Variants in PTPRN2 observed in about 807,000 individuals in gnomAD.
PTPRN2 encodes protein tyrosine phosphatase receptor type N2.
PTPRN2 carries 74 observed loss-of-function variants against 118.8 expected under a neutral mutation model. The observed-to-expected ratio is 0.62, with a 90% CI of 0.52 to 0.76. PTPRN2 has a LOEUF of 0.76. PTPRN2 is among the 30% of genes least tolerant of loss of function. The pLI is 0.00. For missense variants in PTPRN2, 1,481 were observed against 1,394.4 expected (o/e 1.06, Z -0.99); for synonymous variants, 641 against 608.0 (o/e 1.05, Z -0.80).
intron 11 of PTPRN2, among the ~76,000 whole-genome samples, chr7:157,915,199 GACTCA>G (rs1798327940): frequency 6.6e-6 from 1 of 151,986 alleles, no homozygotes; most frequent in Admixed American, 6.6e-5. Flanking sequence ...TTTTATTGTG[GACTCA>G]AATTTCTTGG....
At chr7:158,058,253 ACACATCAC>A in intron 11 of PTPRN2, among the ~76,000 whole-genome samples, 2 of 147,510 alleles carry the variant, frequency 1.4e-5, no homozygotes, top group Non-Finnish European at 3.0e-5. Context: ...GCCCACGGTG[ACACATCAC>A]TGCAGCCACG....
intron 20 of PTPRN2, among the ~76,000 whole-genome samples, chr7:157,569,231 C>G (rs146088797): frequency 6.6e-6 from 1 of 152,352 alleles, no homozygotes; most frequent in African/African-American, 2.4e-5. Context: ...CTTGCTTGTT[C>G]CCCCCTCTTT....
At chr7:157,776,973 T>TCC (rs1803364795) in intron 12 of PTPRN2, among the ~76,000 whole-genome samples, 1 of 104,100 alleles carries the variant, frequency 9.6e-6, no homozygotes, top group Non-Finnish European at 2.0e-5. Context: ...CTCCTCCATC[T>TCC]TCTCCTTCTC....
At chr7:158,020,326 C>T (rs1806779864) in intron 11 of PTPRN2, among the ~76,000 whole-genome samples, 2 of 152,230 alleles carry the variant, frequency 1.3e-5, no homozygotes, top group South Asian at 4.1e-4. Flanking sequence ...CGCAGAAAGA[C>T]TTCTTACAGT....
In PTPRN2 at chr7:157,698,476, G is replaced by A. The variant is rs564341841; in HGVS notation, c.1789-15539C>T. On this transcript the variant is annotated intron_variant, in intron 12 of 22. Coordinates refer to ENST00000389418, the MANE Select transcript of PTPRN2 (RefSeq NM_002847.5). ...AACCACGTGCTTATAAACCAAGTATGTGTTTCAGCAAACATTTCTGCTTGA... is the reference window on the plus strand; with the variant it reads ...AACCACGTGCTTATAAACCAAGTATATGTTTCAGCAAACATTTCTGCTTGA... 1.4e-4 allele frequency among the ~76,000 whole-genome samples: 22 copies of A among 152,336 alleles called. No homozygotes were observed. In the Middle Eastern group the frequency reaches 0.01, roughly 71 times the overall value.
intron 13 of PTPRN2, among the ~76,000 whole-genome samples, chr7:157,679,304 C>A (rs911415874): frequency 6.6e-5 from 10 of 152,248 alleles, no homozygotes; most frequent in African/African-American, 2.2e-4. Flanking sequence ...AAACAAATGA[C>A]CTTTAAGAAT....
intron 3 of PTPRN2, among the ~76,000 whole-genome samples, chr7:158,273,749 AG>A (rs1287450506): frequency 1.6e-5 from 2 of 125,104 alleles, no homozygotes; most frequent in Non-Finnish European, 3.3e-5. Flanking sequence ...CCGCAGACAC[AG>A]GGGGAGCCAC....
chr7:157,885,664 AG>A (rs1796410775), intron 12 of PTPRN2, among the ~76,000 whole-genome samples: 1 of 152,244 alleles, frequency 6.6e-6, no homozygotes, highest in South Asian at 2.1e-4. Context: ...GCCAGGTAAA[AG>A]TTTCATATTC....
intron 2 of PTPRN2, among the ~76,000 whole-genome samples, chr7:158,371,681 CT>C (rs1278655458): frequency 6.6e-6 from 1 of 152,162 alleles, no homozygotes; most frequent in Non-Finnish European, 1.5e-5. Flanking sequence ...AATTTCACTT[CT>C]AGGGGAATGT....
intron 11 of PTPRN2, among the ~76,000 whole-genome samples, chr7:157,908,047 A>AATAAATTCTC (rs1484158527): frequency 6.6e-6 from 1 of 152,184 alleles, no homozygotes; most frequent in Non-Finnish European, 1.5e-5. Flanking sequence ...TTCTCCTCGG[A>AATAAATTCTC]CACAGCACAG....
chr7:157,576,728 A>T lies in PTPRN2; in HGVS notation c.2668T>A (p.Phe890Ile). The stretch of plus-strand genomic sequence containing the variant: ...TTGGTCTGCAGGTTCTTCAGATAGA[A>T]GCTCCTCACCAGGAAGTCCTCACAC... ...IWCEDFLVRS[F>I]YLKNLQTNET... is the part of the protein sequence containing the mutation. Residue 890 changes from phenylalanine (F) to isoleucine (I), a missense_variant, in exon 19 of 23, where the codon TTC (phenylalanine) becomes ATC (isoleucine). Physicochemically the swap from Phe to Ile is conservative, Grantham distance 21 (BLOSUM62 0). Transcript: ENST00000389418. The T allele has an allele frequency of 6.2e-7, 1 of 1,609,652 alleles. No individual in the cohort carries two copies. The highest frequency in any genetic ancestry group is 8.5e-7 in the Non-Finnish European group (1 of 1,177,750).
chr7:158,569,573 C>T (rs1339486726), intron 1 of PTPRN2, among the ~76,000 whole-genome samples: 1 of 152,228 alleles, frequency 6.6e-6, no homozygotes, highest in Non-Finnish European at 1.5e-5. Flanking sequence ...AGAGGGGACA[C>T]GGAGGCAGCA....
At chr7:158,573,066 G>A (rs947570830) in intron 1 of PTPRN2, among the ~76,000 whole-genome samples, 3 of 152,212 alleles carry the variant, frequency 2.0e-5, no homozygotes, top group African/African-American at 7.2e-5. Context: ...CATGATGCAT[G>A]ATGAATGGAC....
At chr7:158,259,308 C>T (rs543372859) in intron 3 of PTPRN2, among the ~76,000 whole-genome samples, 4 of 152,312 alleles carry the variant, frequency 2.6e-5, no homozygotes, top group African/African-American at 7.2e-5. Flanking sequence ...ACGCAGGACA[C>T]GGAGAAGAGC....
chr7:157,748,787 G>C (rs1323259448), intron 12 of PTPRN2, among the ~76,000 whole-genome samples: 8 of 44,724 alleles, frequency 1.8e-4, no homozygotes, highest in East Asian at 8.5e-4. Context: ...GTGGGCTGTT[G>C]AGGTGATTCT....
At position 158,417,021 on chromosome 7, in the gene PTPRN2, C is replaced by G. The variant is rs145312243; in HGVS notation, c.163+72714G>C. Among the ~76,000 whole-genome samples the G allele has an allele frequency of 3.9e-3, 540 of 138,476 alleles. 5 individuals carry two copies. The highest frequency in any genetic ancestry group is 0.012 in the African/African-American group (489 of 39,178). 90.8% of individuals were successfully genotyped at this position (138,476 alleles called of 152,430 possible). A position where few individuals can be genotyped will look rare whatever the true frequency, so the allele number is the denominator to read the frequency against. ...ACACACACTACATCGAGATGCTCTA[C>G]CTCTCACTGTCCCCCTGTGCTAAGT... On this transcript the variant is annotated intron_variant, in intron 2 of 22. Coordinates refer to ENST00000389418, the MANE Select transcript of PTPRN2 (RefSeq NM_002847.5).
At chr7:157,898,560 A>G in intron 12 of PTPRN2, 113 bp downstream of exon 12, 1 of 1,121,242 alleles carries the variant, frequency 8.9e-7, no homozygotes, top group Non-Finnish European at 1.3e-6. Flanking sequence ...TCCCAGGAAA[A>G]CAGGACCTTG....
At chr7:158,248,612 A>G (rs1796410255) in intron 3 of PTPRN2, among the ~76,000 whole-genome samples, 1 of 151,532 alleles carries the variant, frequency 6.6e-6, no homozygotes, top group Admixed American at 6.6e-5. Context: ...CATCACATAC[A>G]TGCACATACA....
At position 157,632,539 on chromosome 7, in the gene PTPRN2, T is replaced by C. The variant is rs538775652; in HGVS notation, c.2197-11030A>G. Among the ~76,000 whole-genome samples, 94 of 152,314 alleles carry C rather than the reference T, an allele frequency of 6.2e-4. No homozygotes were observed. The highest frequency in any genetic ancestry group is 2.2e-3 in the African/African-American group (92 of 41,574). On this transcript the variant is annotated intron_variant, in intron 14 of 22. Coordinates refer to ENST00000389418, the MANE Select transcript of PTPRN2 (RefSeq NM_002847.5). The surrounding 1 kb of genome is among the most constrained non-coding windows in gnomAD (Gnocchi z 4.3). ...GGAAAGTCTTGTTCTTTCATACGATTGATGGATTGTTTTACGTTGGGCATT... is the reference window on the plus strand; with the variant it reads ...GGAAAGTCTTGTTCTTTCATACGATCGATGGATTGTTTTACGTTGGGCATT...
Sources: gnomAD v4.1 joint callset for allele counts (sites outside exome capture counted in the v4.1 genomes callset) on GRCh38, gnomAD v4.1.1 for gene constraint, Gnocchi (gnomAD v3.1) non-coding constraint, MANE v1.5 for transcripts, NCBI Gene and HGNC (gene_info 2026-07-23, HGNC 2026-07-21) for gene names.